Variants in ADARB2 observed in about 807,000 individuals in gnomAD.
ADARB2 encodes the protein inactive double-stranded RNA-specific editase B2.
In ADARB2, 25 loss-of-function variants were observed where a neutral mutation model predicts 62.2. That is an observed-to-expected ratio of 0.40 (90% confidence interval 0.29 to 0.56). The LOEUF (loss-of-function observed/expected upper bound fraction) is 0.56, where lower values mean the gene tolerates loss of function less well. Ranked by LOEUF, ADARB2 falls within the 20% of genes least tolerant of loss-of-function variation. ADARB2 has a pLI of 0.43. For missense variants in ADARB2, 1,071 were observed against 1,077.4 expected (o/e 0.99, Z 0.08); for synonymous variants, 572 against 500.8 (o/e 1.14, Z -1.90).
intron 3 of ADARB2, among the ~76,000 whole-genome samples, chr10:1,301,060 T>C (rs1831567956): frequency 6.6e-6 from 1 of 152,150 alleles, no homozygotes; most frequent in South Asian, 2.1e-4. Context: ...ATTGACCAAA[T>C]ACAGGGCACA....
At chr10:1,270,713 C>G (rs1404506852) in intron 4 of ADARB2, among the ~76,000 whole-genome samples, 2 of 152,218 alleles carry the variant, frequency 1.3e-5, no homozygotes, top group Non-Finnish European at 2.9e-5. Flanking sequence ...CCAGGCCCCC[C>G]AGAGACGGGG....
chr10:1,235,407 C>T (rs113952808), intron 5 of ADARB2, among the ~76,000 whole-genome samples: 1 of 69,480 alleles, frequency 1.4e-5, no homozygotes, highest in African/African-American at 5.8e-5. Flanking sequence ...TGAGCAGCCC[C>T]ACCTCTGCCC....
At chr10:1,308,340 T>C (rs554810213) in intron 3 of ADARB2, among the ~76,000 whole-genome samples, 2 of 152,362 alleles carry the variant, frequency 1.3e-5, no homozygotes, top group African/African-American at 2.4e-5. Flanking sequence ...CTTCCTTCTT[T>C]GTAATGCTGA....
At position 1,268,327 on chromosome 10, in the gene ADARB2, C is replaced by T. The variant is rs1304049143; in HGVS notation, c.1192+2628G>A. 2.6e-5 allele frequency among the ~76,000 whole-genome samples: 4 copies of T among 152,046 alleles called. No homozygotes were observed. In the East Asian group the frequency reaches 7.7e-4, roughly 29 times the overall value. On this transcript the variant is annotated intron_variant, in intron 4 of 9. Transcript: ENST00000381312. ...ATTCAGAAGTTCTTTAGAATCTTTA[C>T]CATATGACTGCATTAATTTGATAAA...
intron 3 of ADARB2, among the ~76,000 whole-genome samples, chr10:1,353,882 C>G (rs190798087): frequency 2.6e-5 from 4 of 152,204 alleles, no homozygotes; most frequent in Non-Finnish European, 4.4e-5. Flanking sequence ...TGGCTACCTT[C>G]CCCTTGCTCA....
chr10:1,376,925 T>C lies in ADARB2; in HGVS notation c.187+2149A>G, dbSNP rs536669106. ...GTGTGTGTGTGCGCATGTGCTTGTG[T>C]GCTCCTGGGGTGTGTGTGCGCTCCT... On this transcript the variant is annotated intron_variant, in intron 2 of 9. Transcript: ENST00000381312. Among the ~76,000 whole-genome samples the C allele has an allele frequency of 7.1e-4, 99 of 138,614 alleles. 1 individual carries two copies. Among genetic ancestry groups the C allele is most frequent in the African/African-American group, 2.7e-3 (97 of 36,572 alleles). 90.9% of individuals were successfully genotyped at this position (138,614 alleles called of 152,430 possible). A position where few individuals can be genotyped will look rare whatever the true frequency, so the allele number is the denominator to read the frequency against.
chr10:1,634,015 C>T (rs1833882730), intron 1 of ADARB2, among the ~76,000 whole-genome samples: 1 of 152,216 alleles, frequency 6.6e-6, no homozygotes, highest in Admixed American at 6.5e-5. Flanking sequence ...ACCCTCTCTT[C>T]ACACCTCCCT....
chr10:1,419,758 T>C (rs1449897350), intron 1 of ADARB2, among the ~76,000 whole-genome samples: 2 of 152,270 alleles, frequency 1.3e-5, no homozygotes, highest in East Asian at 3.8e-4. Flanking sequence ...TCCTCCTTCA[T>C]CACATGAATC....
chr10:1,253,138 AAT>A (rs762327416), intron 4 of ADARB2, among the ~76,000 whole-genome samples: 2 of 152,226 alleles, frequency 1.3e-5, no homozygotes, highest in Non-Finnish European at 2.9e-5. Flanking sequence ...GATTAAAGAA[AAT>A]AATGCGAAGT....
intron 1 of ADARB2, among the ~76,000 whole-genome samples, chr10:1,573,249 G>T (rs1832964529): frequency 6.6e-6 from 1 of 152,208 alleles, no homozygotes; most frequent in Admixed American, 6.5e-5. Context: ...AGGGCTCTCA[G>T]CTGGGAAAGG....
intron 1 of ADARB2, among the ~76,000 whole-genome samples, chr10:1,480,434 C>G (rs748775873): frequency 6.6e-6 from 1 of 152,204 alleles, no homozygotes; most frequent in Non-Finnish European, 1.5e-5. Context: ...CGTGGTGGCT[C>G]ACGCCTGTAA....
chr10:1,644,920 C>T (rs1050863781), intron 1 of ADARB2, among the ~76,000 whole-genome samples: 1 of 152,210 alleles, frequency 6.6e-6, no homozygotes, highest in Admixed American at 6.5e-5. Context: ...CACTAATTTT[C>T]GCAAGCAGTT....
chr10:1,730,367 G>A (rs775537348), intron 1 of ADARB2, among the ~76,000 whole-genome samples: 1 of 152,142 alleles, frequency 6.6e-6, no homozygotes, highest in Non-Finnish European at 1.5e-5. Context: ...TTTCTGATCC[G>A]TGGGAGATTT....
intron 4 of ADARB2, among the ~76,000 whole-genome samples, chr10:1,245,762 A>G (rs923606029): frequency 4.6e-5 from 7 of 152,114 alleles, no homozygotes; most frequent in Admixed American, 4.6e-4. Context: ...GTTGGTTCCA[A>G]GTCTTTGCTA....
rs974022405 is a variant in ADARB2, at chr10:1,704,829, G to T, written c.100+32222C>A. Among the ~76,000 whole-genome samples the T allele has an allele frequency of 3.3e-5, 5 of 152,160 alleles. No homozygotes were observed. The highest frequency in any genetic ancestry group is 7.2e-5 in the African/African-American group (3 of 41,426). On this transcript the variant is annotated intron_variant, in intron 1 of 9. Coordinates refer to ENST00000381312, the MANE Select transcript of ADARB2 (RefSeq NM_018702.4). The surrounding 1 kb of genome is among the most constrained non-coding windows in gnomAD (Gnocchi z 5.6). ...AGGGGCAGGGAGTATTGAGAACGGT[G>T]AGCTTGCATATGCCAGCCTGAGCCT...
At chr10:1,661,256 C>A (rs546313129) in intron 1 of ADARB2, among the ~76,000 whole-genome samples, 2 of 152,284 alleles carry the variant, frequency 1.3e-5, no homozygotes, top group East Asian at 3.9e-4. Flanking sequence ...GCCCTGTCCC[C>A]GTCGTCACTT....
chr10:1,229,270 T>A (rs1410010632), intron 6 of ADARB2, among the ~76,000 whole-genome samples: 1 of 152,174 alleles, frequency 6.6e-6, no homozygotes, highest in Non-Finnish European at 1.5e-5. Flanking sequence ...TGGGGCTGGA[T>A]GGCAACCCCA....
intron 1 of ADARB2, among the ~76,000 whole-genome samples, chr10:1,680,010 A>G (rs939487517): frequency 1.3e-5 from 2 of 152,118 alleles, no homozygotes; most frequent in African/African-American, 2.4e-5. Context: ...CCTGCCAGGC[A>G]GTGCTCCAGT....
At chr10:1,719,151 A>G (rs1280708803) in intron 1 of ADARB2, among the ~76,000 whole-genome samples, 1 of 152,108 alleles carries the variant, frequency 6.6e-6, no homozygotes, top group Non-Finnish European at 1.5e-5. Context: ...TTCAGTAGAA[A>G]CAGGGTTTCA....
Sources: gnomAD v4.1 joint callset for allele counts (sites outside exome capture counted in the v4.1 genomes callset) on GRCh38, gnomAD v4.1.1 for gene constraint, Gnocchi (gnomAD v3.1) non-coding constraint, MANE v1.5 for transcripts, NCBI Gene and HGNC (gene_info 2026-07-23, HGNC 2026-07-21) for gene names.